Variants in CMSS1 observed in about 807,000 individuals in gnomAD.
CMSS1 encodes cms1 ribosomal small subunit homolog, also known as protein CMSS1.
A neutral mutation model predicts 43.5 loss-of-function variants in CMSS1; 33 were observed. That is an observed-to-expected ratio of 0.76 (90% confidence interval 0.57 to 1.01). The LOEUF (loss-of-function observed/expected upper bound fraction) is 1.01, where lower values mean the gene tolerates loss of function less well. Ranked by LOEUF, CMSS1 falls within the 50% of genes least tolerant of loss-of-function variation. The pLI, the probability that CMSS1 is intolerant of heterozygous loss-of-function variation, is 0.00. For synonymous variants in CMSS1, 115 were observed against 117.2 expected, an observed-to-expected ratio of 0.98 and a Z score of 0.12; for missense variants, 313 against 326.4, an observed-to-expected ratio of 0.96 and a Z score of 0.32.
chr3:100,161,247 A>T (rs981617862), intron 3 of CMSS1, among the ~76,000 whole-genome samples: 7 of 152,188 alleles, frequency 4.6e-5, no homozygotes, highest in African/African-American at 1.7e-4. Context: ...GAAAACTGAG[A>T]GTGTGTGTGC....
intron 1 of CMSS1, among the ~76,000 whole-genome samples, chr3:100,014,093 T>C (rs924835468): frequency 4.0e-5 from 6 of 151,678 alleles, no homozygotes; most frequent in Non-Finnish European, 7.4e-5. Context: ...TGTCCCTGGC[T>C]TATTTCATTT....
intron 1 of CMSS1, among the ~76,000 whole-genome samples, chr3:100,004,872 G>C (rs1228025129): frequency 6.6e-6 from 1 of 152,156 alleles, no homozygotes; most frequent in Non-Finnish European, 1.5e-5. Context: ...GAGATTAGAG[G>C]CAGGAGAATT....
intron 6 of CMSS1, among the ~76,000 whole-genome samples, chr3:100,170,557 GAA>G (rs915061973): frequency 6.6e-6 from 1 of 150,554 alleles, no homozygotes; most frequent in Non-Finnish European, 1.5e-5. Flanking sequence ...GGTTTAAGAA[GAA>G]AAAAAAAGAG....
intron 1 of CMSS1, among the ~76,000 whole-genome samples, chr3:99,876,811 A>T (rs1705549652): frequency 6.6e-6 from 1 of 152,156 alleles, no homozygotes. Flanking sequence ...CTCTTTCCCC[A>T]TTTCTGCATG....
At chr3:99,988,427 G>A (rs541390408) in intron 1 of CMSS1, among the ~76,000 whole-genome samples, 87 of 144,656 alleles carry the variant, frequency 6.0e-4, no homozygotes, top group African/African-American at 2.2e-3. Context: ...CAGGAGAATC[G>A]CTTGAATGTG....
intron 1 of CMSS1, among the ~76,000 whole-genome samples, chr3:99,835,705 G>T (rs1170388627): frequency 6.6e-6 from 1 of 152,204 alleles, no homozygotes; most frequent in Non-Finnish European, 1.5e-5. Context: ...AAAAATAAAT[G>T]ATAGCTGATT....
At chr3:99,826,847 G>T (rs1942545834) in intron 1 of CMSS1, among the ~76,000 whole-genome samples, 1 of 152,162 alleles carries the variant, frequency 6.6e-6, no homozygotes, top group Non-Finnish European at 1.5e-5. Flanking sequence ...AAAGTATCAG[G>T]TTTTTAACAT....
intron 1 of CMSS1, among the ~76,000 whole-genome samples, chr3:99,860,467 C>CT (rs1284679249): frequency 6.6e-6 from 1 of 152,148 alleles, no homozygotes; most frequent in Non-Finnish European, 1.5e-5. Flanking sequence ...AAATCTCACT[C>CT]TTTTAAGAGC....
intron 1 of CMSS1, among the ~76,000 whole-genome samples, chr3:99,959,704 C>T (rs1241818258): frequency 1.3e-5 from 2 of 152,124 alleles, no homozygotes; most frequent in Admixed American, 1.3e-4. Context: ...TAACAGACTC[C>T]AATAAATAGA....
rs545356638 is a variant in CMSS1, at chr3:100,066,517, CTTTTTTTTTTTTTTTTTTTT to C, written c.65-80443_65-80424del. Among the ~76,000 whole-genome samples, 4 of 38,318 alleles carry C rather than the reference CTTTTTTTTTTTTTTTTTTTT, an allele frequency of 1.0e-4. 1 individual carries two copies. In the East Asian group the frequency reaches 3.3e-3, roughly 31 times the overall value. 25.1% of individuals were successfully genotyped at this position (38,318 alleles called of 152,430 possible). On this transcript the variant is annotated intron_variant, in intron 1 of 9. Coordinates refer to ENST00000421999, the MANE Select transcript of CMSS1 (RefSeq NM_032359.4). ...AAGGATGATGTGGAAGGCTTTGCTT[CTTTTTTTTTTTTTTTTTTTT>C]TTTTTTTTTTTTGAGACGGAGTCTC...
intron 1 of CMSS1, among the ~76,000 whole-genome samples, chr3:99,882,030 C>G (rs1576544942): frequency 1.3e-5 from 2 of 152,246 alleles, no homozygotes; most frequent in South Asian, 4.1e-4. Flanking sequence ...AAGAGTAGAA[C>G]AGTTAGGTAA....
At chr3:99,847,888 A>G in intron 1 of CMSS1, 1 of 944,790 alleles carries the variant, frequency 1.1e-6, no homozygotes, top group Non-Finnish European at 1.3e-6. Context: ...ATGCAGAAAT[A>G]TAACACAGAA....
chr3:100,176,068 C>T (rs1290132938), intron 8 of CMSS1, among the ~76,000 whole-genome samples: 6 of 152,120 alleles, frequency 3.9e-5, no homozygotes, highest in Admixed American at 1.3e-4. Flanking sequence ...GCCTGGCCAG[C>T]GTGTGAGCAT....
chr3:99,829,775 A>G (rs974309143), intron 1 of CMSS1, among the ~76,000 whole-genome samples: 1 of 152,192 alleles, frequency 6.6e-6, no homozygotes, highest in African/African-American at 2.4e-5. Context: ...TGTTACTGAG[A>G]CTAAGTGCCA....
chr3:100,029,320 C>A (rs1296799759), intron 1 of CMSS1, among the ~76,000 whole-genome samples: 3 of 151,870 alleles, frequency 2.0e-5, no homozygotes, highest in African/African-American at 7.3e-5. Context: ...TTGTTTTAGT[C>A]ACATAACACT....
intron 1 of CMSS1, among the ~76,000 whole-genome samples, chr3:100,039,161 C>T (rs967737266): frequency 2.0e-5 from 3 of 152,168 alleles, no homozygotes; most frequent in Admixed American, 2.0e-4. Flanking sequence ...GTTCATCAAA[C>T]ACAGAGACAT....
intron 1 of CMSS1, among the ~76,000 whole-genome samples, chr3:99,938,265 A>G (rs1409842136): frequency 6.6e-6 from 1 of 152,224 alleles, no homozygotes; most frequent in African/African-American, 2.4e-5. Context: ...TGAACTGAGT[A>G]TGCACTACAC....
intron 1 of CMSS1, among the ~76,000 whole-genome samples, chr3:100,143,724 T>C (rs993478282): frequency 6.6e-6 from 1 of 152,208 alleles, no homozygotes; most frequent in African/African-American, 2.4e-5. Context: ...TTTGTACTTC[T>C]ACAAAGCATG....
intron 1 of CMSS1, among the ~76,000 whole-genome samples, chr3:99,822,248 T>C (rs1212926580): frequency 6.6e-6 from 1 of 152,104 alleles, no homozygotes; most frequent in Non-Finnish European, 1.5e-5. Context: ...GGCATACAGA[T>C]AGGTTATTTT....
Sources: gnomAD v4.1 joint callset for allele counts (sites outside exome capture counted in the v4.1 genomes callset) on GRCh38, gnomAD v4.1.1 for gene constraint, MANE v1.5 for transcripts, NCBI Gene and HGNC (gene_info 2026-07-23, HGNC 2026-07-21) for gene names.